SMC6: variants seen among roughly 807,000 people sequenced by gnomAD.
SMC6 encodes the protein structural maintenance of chromosomes protein 6.
SMC6 carries 79 observed loss-of-function variants against 142.2 expected under a neutral mutation model. The ratio of observed to expected loss-of-function variants is 0.56; its 90% confidence interval spans 0.46 to 0.67. The LOEUF (loss-of-function observed/expected upper bound fraction) is 0.67, where lower values mean the gene tolerates loss of function less well. Among genes scored for constraint, SMC6 ranks in the 30% least tolerant of loss-of-function variants. The probability of loss-of-function intolerance (pLI) is 0.00; values close to 1 mark genes in which losing one functional copy is unlikely to be tolerated. For synonymous variants in SMC6, 411 were observed against 412.4 expected (o/e 1.00, Z 0.04); for missense variants, 1,072 against 1,284.0 (o/e 0.83, Z 2.52).
chr2:17,672,792 G>T (rs182503877), intron 25 of SMC6, among the ~76,000 whole-genome samples: 2 of 152,128 alleles, frequency 1.3e-5, no homozygotes, highest in Non-Finnish European at 2.9e-5. Flanking sequence ...TTTCATTACG[G>T]AACAGTATGT....
intron 26 of SMC6, among the ~76,000 whole-genome samples, chr2:17,668,400 C>T (rs11096482): frequency 0.26 from 39,895 of 152,070 alleles, 6,775 homozygotes; most frequent in Middle Eastern, 0.44. Flanking sequence ...TACACACTTA[C>T]TAAACGGTCA....
At chr2:17,692,504 T>C (rs373771141) in intron 23 of SMC6, among the ~76,000 whole-genome samples, 1 of 152,186 alleles carries the variant, frequency 6.6e-6, no homozygotes, top group African/African-American at 2.4e-5. Context: ...GCTAGCCATA[T>C]GTAGAAAGCT....
Position 17,701,891 on chromosome 2 carries a change from T to A in SMC6, c.2161A>T (p.Ile721Phe), listed in dbSNP as rs1331895607. Residue 721 changes from isoleucine to phenylalanine, a missense_variant, in exon 20 of 28, where the codon ATT becomes TTT. By Grantham distance (21) the Ile-to-Phe change is conservative. Around this residue, in one of 3 missense-constraint regions of SMC6, gnomAD observed 994 missense variants for 1,153.2 expected, o/e 0.86. Coordinates refer to ENST00000448223, the MANE Select transcript of SMC6 (RefSeq NM_001142286.2). ...KELKMKIRKN[I>F]SEIRELENIE... The stretch of plus-strand genomic sequence containing the variant: ...TTCTCAAGTTCCCGAATTTCAGAAA[T>A]ATTTTTTCTTATTTTCATCTAAAAG... 1 of 1,559,084 alleles carries A rather than the reference T, an allele frequency of 6.4e-7. No individual in the cohort carries two copies. Among genetic ancestry groups the A allele is most frequent in the Non-Finnish European group, 8.7e-7 (1 of 1,143,684 alleles).
intron 7 of SMC6, among the ~76,000 whole-genome samples, chr2:17,727,084 T>C (rs896346033): frequency 1.3e-5 from 2 of 152,242 alleles, no homozygotes. Context: ...TGGAAACTAG[T>C]CATTGCTTGA....
chr2:17,703,343 T>C, intron 18 of SMC6, 51 bp from the exon 19 acceptor site: 1 of 1,514,928 alleles, frequency 6.6e-7, no homozygotes, highest in Non-Finnish European at 8.9e-7. Flanking sequence ...TTTCTCAATA[T>C]TACAAATACT....
chr2:17,714,283 C>T (rs1261011269), intron 16 of SMC6, among the ~76,000 whole-genome samples: 2 of 151,798 alleles, frequency 1.3e-5, no homozygotes, highest in African/African-American at 2.4e-5. Context: ...TTTTGGTAGA[C>T]AGGTCTCCCC....
rs553714258 is a variant in SMC6, at chr2:17,670,560, C to T, written c.2926G>A (p.Gly976Arg). Residue 976 changes from glycine (G) to arginine (R), a missense_variant, in exon 26 of 28, where the codon GGA becomes AGA. Physicochemically the swap from Gly to Arg is moderately radical, Grantham distance 125. Around this residue, in one of 3 missense-constraint regions of SMC6, gnomAD observed 994 missense variants for 1,153.2 expected, o/e 0.86. Transcript: ENST00000448223. ...TLSISVQPGE[G>R]NKAAFNDMRA... ...ATGTCATTGAAAGCAGCTTTATTTC[C>T]TTCTCCAGGCTGAACCTTGAAGAGA... 5 of 1,565,830 alleles carry T rather than the reference C, an allele frequency of 3.2e-6. No individual in the cohort carries two copies. In the African/African-American group the frequency reaches 5.6e-5, roughly 17 times the overall value.
chr2:17,690,037 T>G (rs1359258009), intron 23 of SMC6, among the ~76,000 whole-genome samples: 1 of 152,204 alleles, frequency 6.6e-6, no homozygotes, highest in East Asian at 1.9e-4. Flanking sequence ...AATACATTAT[T>G]AATTCCAAAT....
At chr2:17,671,608 CAAAAAAAA>C (rs373510441) in intron 25 of SMC6, among the ~76,000 whole-genome samples, 70 of 83,356 alleles carry the variant, frequency 8.4e-4, no homozygotes, top group African/African-American at 3.1e-3. Flanking sequence ...GACCCCGTCT[CAAAAAAAA>C]AAAAAAAAAA....
chr2:17,683,904 T>A (rs191582224), intron 23 of SMC6, 141 bp from the exon 24 acceptor site: 28 of 745,864 alleles, frequency 3.8e-5, no homozygotes, highest in Middle Eastern at 3.8e-4. Flanking sequence ...ATTTCATAAA[T>A]TTCCAGGCAA....
At chr2:17,750,663 A>G (rs1374910049) in intron 2 of SMC6, among the ~76,000 whole-genome samples, 1 of 152,126 alleles carries the variant, frequency 6.6e-6, no homozygotes, top group Non-Finnish European at 1.5e-5. Flanking sequence ...ATTGGCTATT[A>G]ATCTGTCCTT....
chr2:17,674,481 G>T (rs1455578349), intron 25 of SMC6, among the ~76,000 whole-genome samples: 1 of 152,106 alleles, frequency 6.6e-6, no homozygotes, highest in Non-Finnish European at 1.5e-5. Flanking sequence ...TTTGGTAAAT[G>T]TTCCACATGT....
chr2:17,714,771 A>T, intron 16 of SMC6, 90 bp downstream of exon 16: 2 of 1,314,778 alleles, frequency 1.5e-6, no homozygotes, highest in Non-Finnish European at 2.1e-6. Flanking sequence ...AGTGGTAAAG[A>T]TATGATTAAC....
At chr2:17,722,185 C>T in intron 9 of SMC6, among the ~76,000 whole-genome samples, 1 of 151,982 alleles carries the variant, frequency 6.6e-6, no homozygotes, top group East Asian at 1.9e-4. Flanking sequence ...CTCATTCATT[C>T]CCTCTCTCCA....
intron 5 of SMC6, among the ~76,000 whole-genome samples, chr2:17,734,363 T>C (rs1670046072): frequency 6.6e-6 from 1 of 152,222 alleles, no homozygotes; most frequent in Non-Finnish European, 1.5e-5. Flanking sequence ...ATTACCTAAT[T>C]AAGACAGATT....
Position 17,735,619 on chromosome 2 carries a change from G to T in SMC6, c.344+2602C>A, listed in dbSNP as rs538906323. ...TTGGTATTAGGAAGGCCAAGGGAGGGAACAGTAAACTGTATATGTTTAAAG... is the reference window on the plus strand; with the variant it reads ...TTGGTATTAGGAAGGCCAAGGGAGGTAACAGTAAACTGTATATGTTTAAAG... On this transcript the variant is annotated intron_variant, in intron 5 of 27. Coordinates refer to ENST00000448223, the MANE Select transcript of SMC6 (RefSeq NM_001142286.2). Among the ~76,000 whole-genome samples, 5 of 152,308 alleles carry T rather than the reference G, an allele frequency of 3.3e-5. No individual in the cohort carries two copies. In the South Asian group the frequency reaches 1.0e-3, roughly 32 times the overall value.
intron 23 of SMC6, among the ~76,000 whole-genome samples, chr2:17,690,888 C>T (rs1265363750): frequency 3.3e-5 from 5 of 151,510 alleles, no homozygotes; most frequent in African/African-American, 1.2e-4. Context: ...TCTAACACAT[C>T]GCTAATGGGA....
At chr2:17,738,960 T>C (rs1670292644) in intron 4 of SMC6, among the ~76,000 whole-genome samples, 2 of 152,066 alleles carry the variant, frequency 1.3e-5, no homozygotes, top group Admixed American at 6.5e-5. Context: ...GAAACCACTG[T>C]TAACATCCCT....
At chr2:17,745,267 T>G (rs1670686048) in intron 3 of SMC6, among the ~76,000 whole-genome samples, 1 of 151,028 alleles carries the variant, frequency 6.6e-6, no homozygotes, top group South Asian at 2.1e-4. Context: ...CTGTGTAGAT[T>G]CATGTTAATT....
Sources: gnomAD v4.1 joint callset for allele counts (sites outside exome capture counted in the v4.1 genomes callset) on GRCh38, gnomAD v4.1.1 for gene constraint, gnomAD v4.1.1 regional missense constraint, MANE v1.5 for transcripts, NCBI Gene and HGNC (gene_info 2026-07-23, HGNC 2026-07-21) for gene names.